The following REL variants were observed in gnomAD, a reference collection of about 807,000 sequenced individuals.
REL encodes the protein proto-oncogene c-Rel.
REL carries 15 observed loss-of-function variants against 45.9 expected under a neutral mutation model. The observed-to-expected ratio is 0.33, with a 90% confidence interval of 0.22 to 0.50. The LOEUF (loss-of-function observed/expected upper bound fraction) is 0.50. Ranked by LOEUF, REL falls within the 20% of genes least tolerant of loss-of-function variation. The probability of loss-of-function intolerance (pLI) is 0.98; values close to 1 mark genes in which losing one functional copy is unlikely to be tolerated. For missense variants in REL, 601 were observed against 715.2 expected (o/e 0.84, Z 1.82); for synonymous variants, 239 against 242.1 (o/e 0.99, Z 0.12).
rs1222691734 is a variant in REL, at chr2:60,920,090, G to A, written c.903G>A (p.Gln301=). 6.2e-7 allele frequency: 1 copy of A among 1,611,252 alleles called. No homozygotes were observed. Among genetic ancestry groups the A allele is most frequent in the Non-Finnish European group, 8.5e-7 (1 of 1,178,152 alleles). Residue 301 remains glutamine (Q), a synonymous_variant, in exon 8 of 10, where the codon CAG becomes CAA. Transcript: ENST00000394479. The part of the protein sequence containing the change: ...AKKQKTTLLF[Q]KLCQDHVNFP... ...AACAAAAGACAACTCTGCTTTTCCA[G>A]AAACTGTGCCAGGATCACGGTAAGA... is the stretch of plus-strand genomic sequence containing the variant.
chr2:60,894,925 C>T (rs968702437), intron 3 of REL, among the ~76,000 whole-genome samples: 2 of 144,222 alleles, frequency 1.4e-5, no homozygotes, highest in Admixed American at 7.2e-5. Flanking sequence ...GGCGCAATCT[C>T]GGCTCACTGC....
At position 60,913,365 on chromosome 2, in the gene REL, C is replaced by T. The variant is rs189836830; in HGVS notation, c.395-3512C>T. 3.3e-5 allele frequency among the ~76,000 whole-genome samples: 5 copies of T among 152,056 alleles called. No homozygotes were observed. In the East Asian group the frequency reaches 9.7e-4, roughly 29 times the overall value. On this transcript the variant is annotated intron_variant, in intron 4 of 9. Transcript: ENST00000394479. ...TGTGAAAAAGAGTAAAGATTTTAGG[C>T]CTACAATATTATCTCCCTGCAGAAA...
At chr2:60,914,513 T>A (rs1224744443) in intron 4 of REL, among the ~76,000 whole-genome samples, 1 of 152,238 alleles carries the variant, frequency 6.6e-6, no homozygotes, top group Non-Finnish European at 1.5e-5. Context: ...TTTTCTTTTA[T>A]GTGCCATTTA....
intron 1 of REL, among the ~76,000 whole-genome samples, chr2:60,887,454 A>T (rs1673098984): frequency 6.6e-6 from 1 of 152,080 alleles, no homozygotes; most frequent in Admixed American, 6.5e-5. Context: ...ATGTTTAATG[A>T]ATATCTCTGT....
At chr2:60,896,679 CCAA>C (rs1673360308) in intron 3 of REL, among the ~76,000 whole-genome samples, 2 of 152,086 alleles carry the variant, frequency 1.3e-5, no homozygotes, top group South Asian at 2.1e-4. Flanking sequence ...ACTTGACCTC[CCAA>C]CAACATTTTA....
intron 1 of REL, among the ~76,000 whole-genome samples, chr2:60,883,056 T>A (rs1329396929): frequency 6.6e-6 from 1 of 151,998 alleles, no homozygotes; most frequent in Non-Finnish European, 1.5e-5. Flanking sequence ...TTTACCAGGA[T>A]TTTGGCAAGG....
Position 60,918,425 on chromosome 2 carries a change from T to C in REL, c.672T>C (p.Asp224=), listed in dbSNP as rs532358386. The change falls in exon 7 of 10, where the codon GAT becomes GAC. Residue 224 remains aspartate (D), a synonymous_variant. Transcript: ENST00000394479. ...DDIEVRFVLN[D]WEAKGIFSQA... is the part of the protein sequence containing the mutation. ...TAGAAGTTCGTTTTGTGTTGAACGA[T>C]TGGGAAGCAAAAGGCATCTTTTCAC... is the stretch of plus-strand genomic sequence containing the variant. 8.1e-6 allele frequency: 13 copies of C among 1,613,928 alleles called. No homozygotes were observed. The South Asian group carries it at 1.1e-4, about 14-fold the overall frequency.
In REL at chr2:60,901,028, AG is replaced by A. The variant is rs1342772099; in HGVS notation, c.340del (p.Glu114LysfsTer2). The A allele has an allele frequency of 6.2e-7, 1 of 1,610,836 alleles. No homozygotes were observed. The highest frequency in any genetic ancestry group is 8.5e-7 in the Non-Finnish European group (1 of 1,179,124). On this transcript the variant is annotated frameshift_variant, in exon 4 of 10. Coordinates refer to ENST00000394479, the MANE Select transcript of REL (RefSeq NM_001291746.2). LOFTEE classifies it high-confidence loss of function. Reference protein sequence around the residue: ...NLGIRCVKKKEVKEAIITRIK... With the variant: ...NLGIRCVKKKXVKEAIITRIK... ...TGGGTATTCGATGTGTGAAGAAAAA[AG>A]AAGTAAAAGAAGCTATTATTACAAG... is the stretch of plus-strand genomic sequence containing the variant.
At position 60,928,555 on chromosome 2, in the gene REL, G is replaced by A. The variant is rs1312076752; in HGVS notation, c.*6020G>A. ...ACTATCTGATCTTTGACAAACCTGA[G>A]AAAAACAAGCAATGGGGAAAGGATT... On this transcript the variant is annotated 3_prime_UTR_variant, in exon 10 of 10. Transcript: ENST00000394479. The A allele has an allele frequency of 7.2e-6, 1 of 139,370 alleles. No individual in the cohort carries two copies. Among genetic ancestry groups the A allele is most frequent in the Admixed American group, 7.4e-5 (1 of 13,554 alleles). 8.6% of individuals were successfully genotyped at this position (139,370 alleles called of 1,614,324 possible).
rs781499490 is a variant in REL at position 60,916,973 on chromosome 2, C to T, written c.491C>T (p.Thr164Met). The T allele has an allele frequency of 6.1e-5, 99 of 1,613,182 alleles. No individual in the cohort carries two copies. The highest frequency in any genetic ancestry group is 1.0e-4 in the Admixed American group (6 of 59,994). Residue 164 changes from threonine (T) to methionine (M), a missense_variant, in exon 5 of 10, where the codon ACG (threonine) becomes ATG (methionine). Transcript: ENST00000394479. ...VFLPDEHGNLTTALPPVVSNP... is the reference protein window; with the variant it reads ...VFLPDEHGNLMTALPPVVSNP... ...CTCCCTGATGAACATGGTAATTTGA[C>T]GACTGCTCTTCCTCCTGTTGTCTCG...
chr2:60,910,462 C>T (rs1673780560), intron 4 of REL, among the ~76,000 whole-genome samples: 1 of 105,544 alleles, frequency 9.5e-6, no homozygotes, highest in Non-Finnish European at 1.8e-5. Context: ...GAGACTCCAT[C>T]TCAAAAAAAA....
chr2:60,890,637 A>G (rs1020725375), intron 1 of REL, among the ~76,000 whole-genome samples: 7 of 152,178 alleles, frequency 4.6e-5, no homozygotes, highest in Non-Finnish European at 4.4e-5. Flanking sequence ...CACAATTTGG[A>G]TAATAAAAGT....
At chr2:60,920,519 T>G in intron 8 of REL, 55 bp from the exon 9 acceptor site, 1 of 1,369,474 alleles carries the variant, frequency 7.3e-7, no homozygotes. Context: ...AGATTTTAAC[T>G]GATAATGTTA....
Position 60,923,514 on chromosome 2 carries a change from A to C in REL, c.*979A>C, listed in dbSNP as rs1245120192. On this transcript the variant is annotated 3_prime_UTR_variant, in exon 10 of 10. Coordinates refer to ENST00000394479, the MANE Select transcript of REL (RefSeq NM_001291746.2). ...ATTAAAGCTCACACTCAGCATATCC[A>C]AAACTGAATTCTTGGTCTTCCCTCC... 2.6e-5 allele frequency: 6 copies of C among 232,496 alleles called. No individual in the cohort carries two copies. Among genetic ancestry groups the C allele is most frequent in the African/African-American group, 1.3e-4 (6 of 45,292 alleles). The allele number at this position is 232,496 out of a possible 1,614,324, so 14.4% of individuals were successfully genotyped here.
chr2:60,891,638 G>A (rs1673217718), intron 1 of REL, 45 bp from the exon 2 acceptor site: 7 of 1,403,614 alleles, frequency 5.0e-6, no homozygotes, highest in Non-Finnish European at 5.7e-6. Flanking sequence ...ATTATTAATT[G>A]CTATATTAAT....
chr2:60,916,242 A>T (rs190240445), intron 4 of REL, among the ~76,000 whole-genome samples: 35 of 152,206 alleles, frequency 2.3e-4, no homozygotes, highest in African/African-American at 8.4e-4. Context: ...GTGAAACCCC[A>T]TCTCTACAAA....
At chr2:60,916,646 A>G (rs1027619309) in intron 4 of REL, among the ~76,000 whole-genome samples, 1 of 152,208 alleles carries the variant, frequency 6.6e-6, no homozygotes, top group African/African-American at 2.4e-5. Flanking sequence ...ATCCCAGGTG[A>G]GGGGATAGTT....
rs535421965 is a variant in REL, at chr2:60,881,862, T to C, written c.10+12T>C. 8.8e-5 allele frequency: 130 copies of C among 1,484,560 alleles called. No individual in the cohort carries two copies. In the African/African-American group the frequency reaches 1.3e-3, roughly 15 times the overall value. 92.0% of individuals were successfully genotyped at this position (1,484,560 alleles called of 1,614,324 possible). A position where few individuals can be genotyped will look rare whatever the true frequency, so the allele number is the denominator to read the frequency against. ...AGCCATGGCCTCCGGTGAGTGTTCA[T>C]GGGGCGCGGGCCTGGGCCGGGGGAA... On this transcript the variant is annotated intron_variant, in intron 1 of 9. Coordinates refer to ENST00000394479, the MANE Select transcript of REL (RefSeq NM_001291746.2).
intron 4 of REL, among the ~76,000 whole-genome samples, chr2:60,903,346 A>T (rs1182893645): frequency 6.6e-6 from 1 of 152,162 alleles, no homozygotes; most frequent in Non-Finnish European, 1.5e-5. Flanking sequence ...TTAAAAAGGA[A>T]GATGCTGTCT....
Sources: gnomAD v4.1 joint callset for allele counts (sites outside exome capture counted in the v4.1 genomes callset) on GRCh38, gnomAD v4.1.1 for gene constraint, MANE v1.5 for transcripts, NCBI Gene and HGNC (gene_info 2026-07-23, HGNC 2026-07-21) for gene names.